Variants in PCBD2 observed in about 807,000 individuals in gnomAD.
PCBD2 encodes the protein pterin-4 alpha-carbinolamine dehydratase 2.
Under a neutral mutation model 16.4 loss-of-function variants are expected in PCBD2, and 12 were observed. The ratio of observed to expected loss-of-function variants is 0.73; its 90% confidence interval spans 0.47 to 1.19. The LOEUF is 1.19. Among genes scored for constraint, PCBD2 ranks in the 50% most tolerant of loss-of-function variants. The pLI, the probability that PCBD2 is intolerant of heterozygous loss-of-function variation, is 0.00. For synonymous variants in PCBD2, 58 were observed against 61.8 expected, an observed-to-expected ratio of 0.94 and a Z score of 0.29; for missense variants, 138 against 156.8, an observed-to-expected ratio of 0.88 and a Z score of 0.64.
chr5:134,937,189 C>G (rs1260780021), intron 2 of PCBD2, among the ~76,000 whole-genome samples: 1 of 152,070 alleles, frequency 6.6e-6, no homozygotes, highest in Non-Finnish European at 1.5e-5. Context: ...GATTATAATA[C>G]ATAAGTAAAG....
intron 2 of PCBD2, chr5:134,927,244 A>T: frequency 2.5e-6 from 1 of 398,460 alleles, no homozygotes; most frequent in Non-Finnish European, 4.4e-6. Flanking sequence ...CCTCACAGGG[A>T]TAGTACAAGG....
intron 2 of PCBD2, among the ~76,000 whole-genome samples, chr5:134,958,307 A>C (rs1010229183): frequency 2.0e-5 from 3 of 151,846 alleles, no homozygotes; most frequent in African/African-American, 7.3e-5. Flanking sequence ...AATTGTTTCC[A>C]CTCCCCGTGT....
chr5:134,958,444 G>A (rs1178478665), intron 2 of PCBD2, among the ~76,000 whole-genome samples: 2 of 152,174 alleles, frequency 1.3e-5, no homozygotes, highest in African/African-American at 4.8e-5. Flanking sequence ...GCAGTGCAGG[G>A]CAGTAGCAGG....
intron 2 of PCBD2, among the ~76,000 whole-genome samples, chr5:134,942,433 T>G (rs368250241): frequency 6.6e-5 from 10 of 152,256 alleles, no homozygotes; most frequent in African/African-American, 2.4e-4. Context: ...CCAGAGTAGT[T>G]ATTTTATAAA....
intron 2 of PCBD2, among the ~76,000 whole-genome samples, chr5:134,942,490 A>G (rs183600254): frequency 6.6e-6 from 1 of 152,294 alleles, no homozygotes; most frequent in Non-Finnish European, 1.5e-5. Context: ...GAACTGAATG[A>G]TGAGAATCAG....
At chr5:134,910,303 A>C in intron 1 of PCBD2, 32 bp from the exon 2 acceptor site, 2 of 1,602,944 alleles carry the variant, frequency 1.2e-6, no homozygotes, top group Non-Finnish European at 1.7e-6. Flanking sequence ...AAACTTGTAC[A>C]TTTTCAGATA....
chr5:134,932,105 G>A (rs750524883), intron 2 of PCBD2, among the ~76,000 whole-genome samples: 17 of 152,154 alleles, frequency 1.1e-4, no homozygotes, highest in Non-Finnish European at 2.4e-4. Context: ...GCCACTAACC[G>A]TATAGCTGTG....
In PCBD2 at chr5:134,905,236, C is replaced by A; in HGVS notation, c.84+13C>A. ...GCTAGCGGCCATGGTGAGTGCACAG[C>A]GGCCGCGTGGGTGGGGGTCCGGGGT... On this transcript the variant is annotated intron_variant, in intron 1 of 3. Transcript: ENST00000254908. 1 of 1,220,408 alleles carries A rather than the reference C, an allele frequency of 8.2e-7. No individual in the cohort carries two copies. The highest frequency in any genetic ancestry group is 4.3e-5 in the Admixed American group (1 of 23,270). 75.6% of individuals were successfully genotyped at this position (1,220,408 alleles called of 1,614,324 possible).
At chr5:134,912,506 A>T (rs1163705020) in intron 2 of PCBD2, among the ~76,000 whole-genome samples, 1 of 152,198 alleles carries the variant, frequency 6.6e-6, no homozygotes, top group Admixed American at 6.5e-5. Context: ...TCTGGATTAG[A>T]TGCTGTCAGG....
At chr5:134,925,598 C>G in intron 2 of PCBD2, 1 of 397,874 alleles carries the variant, frequency 2.5e-6, no homozygotes. Context: ...CAGACTGCTG[C>G]GAACAGAGTG....
At chr5:134,905,999 A>G (rs1750683498) in intron 1 of PCBD2, among the ~76,000 whole-genome samples, 1 of 151,196 alleles carries the variant, frequency 6.6e-6, no homozygotes, top group South Asian at 2.1e-4. Context: ...CACCCTCCCG[A>G]GTAGCTGCGA....
At chr5:134,947,155 C>T (rs182736105) in intron 2 of PCBD2, among the ~76,000 whole-genome samples, 5 of 150,928 alleles carry the variant, frequency 3.3e-5, no homozygotes, top group South Asian at 2.1e-4. Context: ...TGCCATAGTG[C>T]GATAATGGCT....
intron 2 of PCBD2, among the ~76,000 whole-genome samples, chr5:134,943,132 T>A (rs544100390): frequency 6.6e-6 from 1 of 152,224 alleles, no homozygotes; most frequent in African/African-American, 2.4e-5. Context: ...CATGGATTAA[T>A]AAAAATGAAA....
intron 2 of PCBD2, among the ~76,000 whole-genome samples, chr5:134,954,865 C>T (rs2149540526): frequency 6.6e-6 from 1 of 152,120 alleles, no homozygotes; most frequent in East Asian, 1.9e-4. Flanking sequence ...CCTCAGCCTC[C>T]TGAGTAGCTG....
chr5:134,951,684 T>C (rs556962101), intron 2 of PCBD2, among the ~76,000 whole-genome samples: 54 of 152,222 alleles, frequency 3.5e-4, no homozygotes, highest in Non-Finnish European at 7.4e-4. Context: ...TATTTTGATC[T>C]TTTTCAAGCT....
chr5:134,924,348 G>T, intron 2 of PCBD2: 1 of 396,278 alleles, frequency 2.5e-6, no homozygotes, highest in South Asian at 1.3e-4. Context: ...GGTGGCTATT[G>T]AGGAGTATCC....
intron 2 of PCBD2, among the ~76,000 whole-genome samples, chr5:134,951,979 T>A (rs1251891729): frequency 6.6e-6 from 1 of 152,174 alleles, no homozygotes; most frequent in Non-Finnish European, 1.5e-5. Context: ...GAAAAAAATT[T>A]TTCGTGTAGT....
intron 2 of PCBD2, among the ~76,000 whole-genome samples, chr5:134,949,364 G>A (rs1751334196): frequency 6.6e-6 from 1 of 152,158 alleles, no homozygotes; most frequent in Non-Finnish European, 1.5e-5. Flanking sequence ...TGTTATTGAT[G>A]ATGATAATAA....
chr5:134,930,764 C>T (rs529631994), intron 2 of PCBD2, among the ~76,000 whole-genome samples: 4 of 152,292 alleles, frequency 2.6e-5, no homozygotes, highest in African/African-American at 9.6e-5. Flanking sequence ...GGCAGATACT[C>T]GACCAAATAC....
Sources: allele counts gnomAD v4.1 joint callset (sites outside exome capture counted in the v4.1 genomes callset), GRCh38; gene constraint gnomAD v4.1.1; transcripts MANE v1.5; gene names NCBI Gene and HGNC (gene_info 2026-07-23, HGNC 2026-07-21).